CHST11: variants seen among roughly 807,000 people sequenced by gnomAD.
CHST11 encodes the protein C4S-1.
A neutral mutation model predicts 30.4 loss-of-function variants in CHST11; 9 were observed. The observed-to-expected ratio is 0.30, with a 90% CI of 0.18 to 0.52. The LOEUF (loss-of-function observed/expected upper bound fraction) is 0.52, where lower values mean the gene tolerates loss of function less well. Among genes scored for constraint, CHST11 ranks in the 20% least tolerant of loss-of-function variants. The probability of loss-of-function intolerance (pLI) is 0.97; values close to 1 mark genes in which losing one functional copy is unlikely to be tolerated. For missense variants in CHST11, 348 were observed against 460.6 expected (o/e 0.76, Z 2.24); for synonymous variants, 152 against 187.8 (o/e 0.81, Z 1.56).
intron 1 of CHST11, among the ~76,000 whole-genome samples, chr12:104,547,960 G>A (rs2038367197): frequency 6.6e-6 from 1 of 152,164 alleles, no homozygotes; most frequent in African/African-American, 2.4e-5. Flanking sequence ...TGCAAACAAT[G>A]GTGGATGAGG....
intron 2 of CHST11, among the ~76,000 whole-genome samples, chr12:104,727,190 G>A (rs2136130291): frequency 6.6e-6 from 1 of 150,640 alleles, no homozygotes; most frequent in South Asian, 2.2e-4. Flanking sequence ...AATGTAATTT[G>A]CCAATTCCTG....
chr12:104,693,028 C>T (rs1297957181), intron 2 of CHST11, among the ~76,000 whole-genome samples: 2 of 152,116 alleles, frequency 1.3e-5, no homozygotes, highest in African/African-American at 4.8e-5. Flanking sequence ...AGGTTGGTTT[C>T]TCCTGAGGCT....
intron 1 of CHST11, among the ~76,000 whole-genome samples, chr12:104,526,521 G>A (rs11112090): frequency 1.7e-4 from 26 of 152,100 alleles, no homozygotes; most frequent in African/African-American, 6.0e-4. Context: ...CCGGGCCTGA[G>A]GTTTGCCCCT....
chr12:104,504,049 G>T (rs958847233), intron 1 of CHST11, among the ~76,000 whole-genome samples: 2 of 152,128 alleles, frequency 1.3e-5, no homozygotes, highest in Non-Finnish European at 1.5e-5. Context: ...TTTCTTTCTG[G>T]CTCTGCAGAG....
intron 1 of CHST11, among the ~76,000 whole-genome samples, chr12:104,523,115 A>G (rs1168873734): frequency 6.6e-6 from 1 of 152,254 alleles, no homozygotes; most frequent in Non-Finnish European, 1.5e-5. Flanking sequence ...CAACCAGATT[A>G]TATCTGTTCA....
intron 2 of CHST11, among the ~76,000 whole-genome samples, chr12:104,662,666 T>C (rs375820140): frequency 6.6e-6 from 1 of 152,296 alleles, no homozygotes; most frequent in Admixed American, 6.5e-5. Context: ...AGGTACCAGA[T>C]GGGAGATCAG....
intron 2 of CHST11, among the ~76,000 whole-genome samples, chr12:104,631,857 C>T (rs958280145): frequency 4.6e-5 from 7 of 152,240 alleles, no homozygotes; most frequent in Non-Finnish European, 8.8e-5. Flanking sequence ...TGCACAACTA[C>T]GAAGCTGGGC....
chr12:104,681,605 T>G (rs1434416631), intron 2 of CHST11, among the ~76,000 whole-genome samples: 1 of 152,172 alleles, frequency 6.6e-6, no homozygotes, highest in South Asian at 2.1e-4. Flanking sequence ...AAAAGAGATA[T>G]AGTTTCATTA....
intron 1 of CHST11, among the ~76,000 whole-genome samples, chr12:104,537,130 A>C (rs2038244686): frequency 6.6e-6 from 1 of 152,256 alleles, no homozygotes; most frequent in Admixed American, 6.5e-5. Flanking sequence ...AAAATATACC[A>C]GCTCAAGGTT....
intron 2 of CHST11, among the ~76,000 whole-genome samples, chr12:104,741,790 A>G (rs17231251): frequency 0.049 from 7,395 of 152,302 alleles, 271 homozygotes; most frequent in Middle Eastern, 0.13. Flanking sequence ...AAAGTGAAAC[A>G]GAGACCACCA....
intron 1 of CHST11, among the ~76,000 whole-genome samples, chr12:104,577,234 ATTTTTT>A (rs34967812): frequency 2.7e-5 from 2 of 74,218 alleles, no homozygotes; most frequent in Non-Finnish European, 4.8e-5. Context: ...GCAGCCCTTC[ATTTTTT>A]TTTTTTTTTT....
At chr12:104,700,554 A>G (rs1247530287) in intron 2 of CHST11, among the ~76,000 whole-genome samples, 1 of 152,208 alleles carries the variant, frequency 6.6e-6, no homozygotes, top group East Asian at 1.9e-4. Context: ...CTCATCTGTA[A>G]AATGGGGATA....
intron 1 of CHST11, among the ~76,000 whole-genome samples, chr12:104,518,178 G>T (rs117062249): frequency 6.6e-6 from 1 of 152,010 alleles, no homozygotes; most frequent in Non-Finnish European, 1.5e-5. Flanking sequence ...TCCCCGCTAC[G>T]TGGGAGGCTG....
At chr12:104,495,342 G>A (rs890717887) in intron 1 of CHST11, among the ~76,000 whole-genome samples, 1 of 152,118 alleles carries the variant, frequency 6.6e-6, no homozygotes, top group Non-Finnish European at 1.5e-5. Flanking sequence ...TGAAAGAAGT[G>A]GGATTGCCAG....
chr12:104,684,400 G>A (rs1044080216), intron 2 of CHST11, among the ~76,000 whole-genome samples: 6 of 152,198 alleles, frequency 3.9e-5, no homozygotes, highest in African/African-American at 1.4e-4. Flanking sequence ...GGCCTTGAAT[G>A]GCAGAGCTAC....
chr12:104,745,846 A>C (rs991449839), intron 2 of CHST11, among the ~76,000 whole-genome samples: 16 of 152,180 alleles, frequency 1.1e-4, no homozygotes, highest in African/African-American at 3.6e-4. Context: ...GGGCTCAGAC[A>C]ACAGGGTTTT....
At chr12:104,641,859 G>A (rs2039379910) in intron 2 of CHST11, among the ~76,000 whole-genome samples, 1 of 152,170 alleles carries the variant, frequency 6.6e-6, no homozygotes, top group South Asian at 2.1e-4. Context: ...TAATCACCTT[G>A]ATCTGGCACT....
At chr12:104,579,147 C>T (rs2038713952) in intron 1 of CHST11, among the ~76,000 whole-genome samples, 1 of 152,212 alleles carries the variant, frequency 6.6e-6, no homozygotes, top group Non-Finnish European at 1.5e-5. Context: ...GCTCTGCTTG[C>T]TCTTTAAGCT....
intron 1 of CHST11, among the ~76,000 whole-genome samples, chr12:104,460,193 G>T: frequency 6.6e-6 from 1 of 152,182 alleles, no homozygotes; most frequent in Non-Finnish European, 1.5e-5. Flanking sequence ...TGTCTCTCCA[G>T]ATCACCCTGG....
Sources: allele counts gnomAD v4.1 joint callset (sites outside exome capture counted in the v4.1 genomes callset), GRCh38; gene constraint gnomAD v4.1.1; transcripts MANE v1.5; gene names NCBI Gene and HGNC (gene_info 2026-07-23, HGNC 2026-07-21).